PEX11G: variants seen among roughly 807,000 people sequenced by gnomAD.
The protein encoded by PEX11G is peroxisomal biogenesis factor 11 gamma.
PEX11G carries 20 observed loss-of-function variants against 22.5 expected under a neutral mutation model. The ratio of observed to expected loss-of-function variants is 0.89; its 90% confidence interval spans 0.62 to 1.29. PEX11G has a LOEUF of 1.29. Among genes scored for constraint, PEX11G ranks in the 50% most tolerant of loss-of-function variants. The probability of loss-of-function intolerance (pLI) is 0.00; values close to 1 mark genes in which losing one functional copy is unlikely to be tolerated. For synonymous variants in PEX11G, 141 were observed against 154.5 expected (o/e 0.91, Z 0.65); for missense variants, 347 against 331.3 (o/e 1.05, Z -0.37).
chr19:7,490,903 AG>A (rs2021875943), upstream of PEX11G: 1 of 151,932 alleles, frequency 6.6e-6, no homozygotes, highest in African/African-American at 2.4e-5. Flanking sequence ...CATCCTGAGT[AG>A]GTGGGACCAC....
At chr19:7,477,906 C>CA (rs890459332) in intron 4 of PEX11G, among the ~76,000 whole-genome samples, 25 of 152,346 alleles carry the variant, frequency 1.6e-4, no homozygotes, top group African/African-American at 5.8e-4. Flanking sequence ...CCTGTAGTCC[C>CA]AGCTACTCGG....
At chr19:7,486,970 C>T (rs1374689598) in intron 1 of PEX11G, among the ~76,000 whole-genome samples, 1 of 151,580 alleles carries the variant, frequency 6.6e-6, no homozygotes, top group Non-Finnish European at 1.5e-5. Flanking sequence ...TCACTTGAGC[C>T]CAGGAGTTCC....
At chr19:7,485,597 C>A (rs1310622473) in intron 2 of PEX11G, among the ~76,000 whole-genome samples, 5 of 152,076 alleles carry the variant, frequency 3.3e-5, no homozygotes, top group Non-Finnish European at 7.3e-5. Flanking sequence ...CCTCGTGATC[C>A]GCTCGCCTCA....
chr19:7,490,642 ATTTTTTTTTTTTT>A (rs749165168), upstream of PEX11G, among the ~76,000 whole-genome samples: 12 of 55,074 alleles, frequency 2.2e-4, no homozygotes, highest in African/African-American at 3.8e-4. Context: ...CCTGGCCTCT[ATTTTTTTTTTTTT>A]TTTTTTTTTT....
upstream of PEX11G, among the ~76,000 whole-genome samples, chr19:7,493,851 AAAG>A (rs1454331585): frequency 6.6e-6 from 1 of 151,484 alleles, no homozygotes; most frequent in Non-Finnish European, 1.5e-5. Context: ...AAAAAAAAAA[AAAG>A]ACTTGGGTCC....
chr19:7,491,301 A>C (rs1599228360), upstream of PEX11G, among the ~76,000 whole-genome samples: 3 of 116,812 alleles, frequency 2.6e-5, no homozygotes, highest in Non-Finnish European at 3.3e-5. Flanking sequence ...ACAGAGTCTC[A>C]CTCTGTCACC....
At chr19:7,487,142 A>T (rs1293413706) in intron 1 of PEX11G, among the ~76,000 whole-genome samples, 1 of 152,220 alleles carries the variant, frequency 6.6e-6, no homozygotes. Flanking sequence ...GATGTAACTG[A>T]AGGGCACAGC....
Position 7,488,984 on chromosome 19 carries a change from C to T in PEX11G, c.27G>A (p.Ser9=). The change falls in exon 1 of 5, where the codon TCG becomes TCA. Residue 9 remains serine (S), a synonymous_variant. Transcript: ENST00000221480. The part of the protein sequence containing the change: MASLSGLA[S]ALESYRGRDR... ...CCCGGCCCCTGTACGACTCCAGCGCCGACGCCAGGCCGCTCAGCGACGCCA... is the reference window on the plus strand; with the variant it reads ...CCCGGCCCCTGTACGACTCCAGCGCTGACGCCAGGCCGCTCAGCGACGCCA... 2 of 1,549,256 alleles carry T rather than the reference C, an allele frequency of 1.3e-6. No individual in the cohort carries two copies. The highest frequency in any genetic ancestry group is 1.2e-5 in the South Asian group (1 of 84,232).
chr19:7,483,339 G>C (rs1021142391), intron 2 of PEX11G: 1 of 152,012 alleles, frequency 6.6e-6, no homozygotes, highest in African/African-American at 2.4e-5. Flanking sequence ...ACCTCCCTGA[G>C]GATGGCGGAC....
upstream of PEX11G, chr19:7,489,087 C>G (rs1008598601): frequency 1.4e-6 from 2 of 1,389,006 alleles, no homozygotes; most frequent in African/African-American, 3.1e-5. Flanking sequence ...CGGGAGCGCC[C>G]CAAAGGCTTG....
intron 3 of PEX11G, among the ~76,000 whole-genome samples, chr19:7,479,709 C>T (rs1362024755): frequency 6.6e-6 from 1 of 151,808 alleles, no homozygotes; most frequent in Non-Finnish European, 1.5e-5. Context: ...CACAGGACTT[C>T]GATGGCCGTG....
In PEX11G at chr19:7,488,439, G is replaced by A. The variant is rs183476561; in HGVS notation, c.60+512C>T. 3.3e-5 allele frequency among the ~76,000 whole-genome samples: 5 copies of A among 152,346 alleles called. No individual in the cohort carries two copies. The East Asian group carries it at 7.7e-4, about 24-fold the overall frequency. Reference sequence around the variant, plus strand: ...TCAGTGGCCTGGTCGGATCCAAAACGTCCAAACACGGGAATCTGGCCAGTG... The same window carrying A: ...TCAGTGGCCTGGTCGGATCCAAAACATCCAAACACGGGAATCTGGCCAGTG... On this transcript the variant is annotated intron_variant, in intron 1 of 4. Coordinates refer to ENST00000221480, the MANE Select transcript of PEX11G (RefSeq NM_080662.4).
In PEX11G at chr19:7,485,918, T is replaced by A. The variant is rs2021627567; in HGVS notation, c.169A>T (p.Ser57Cys). The A allele has an allele frequency of 6.2e-7, 1 of 1,613,804 alleles. No homozygotes were observed. Among genetic ancestry groups the A allele is most frequent in the African/African-American group, 1.3e-5 (1 of 75,036 alleles). Residue 57 changes from serine (S) to cysteine (C), a missense_variant, in exon 2 of 5, where the codon AGC (serine) becomes TGC (cysteine). Ser to Cys is a moderately radical substitution (Grantham distance 112). Transcript: ENST00000221480. Reference sequence around the variant, plus strand: ...AGTCGCAAGATGGTCCTGCAGTGGCTGAGTTGGGTGGACACCACCAACAGA... The same window carrying A: ...AGTCGCAAGATGGTCCTGCAGTGGCAGAGTTGGGTGGACACCACCAACAGA... ...TRLLVVSTQL[S>C]HCRTILRLFD...
rs527522450 is a variant in PEX11G, at chr19:7,488,915, T to C, written c.60+36A>G. ...CCCAGTCTCTGAGCTTGGGCCAAACTCTAGGACCTCCGGCCCCGGTCCGCC... is the reference window on the plus strand; with the variant it reads ...CCCAGTCTCTGAGCTTGGGCCAAACCCTAGGACCTCCGGCCCCGGTCCGCC... On this transcript the variant is annotated intron_variant, in intron 1 of 4. Coordinates refer to ENST00000221480, the MANE Select transcript of PEX11G (RefSeq NM_080662.4). The C allele has an allele frequency of 9.1e-6, 14 of 1,545,778 alleles. No individual in the cohort carries two copies. The African/African-American group carries it at 1.5e-4, about 17-fold the overall frequency.
upstream of PEX11G, chr19:7,493,177 CCT>C (rs1481251883): frequency 6.6e-6 from 1 of 152,104 alleles, no homozygotes; most frequent in East Asian, 1.9e-4. Flanking sequence ...TGATTTTCTT[CCT>C]CTCTGTCTCT....
intron 3 of PEX11G, 28 bp from the exon 4 acceptor site, chr19:7,478,404 G>A: frequency 6.3e-7 from 1 of 1,595,156 alleles, no homozygotes; most frequent in South Asian, 1.1e-5. Context: ...GAGGGAGGAT[G>A]CCCCGGCGGG....
At chr19:7,488,440 T>C (rs944539085) in intron 1 of PEX11G, among the ~76,000 whole-genome samples, 2 of 152,190 alleles carry the variant, frequency 1.3e-5, no homozygotes, top group African/African-American at 4.8e-5. Flanking sequence ...ATCCAAAACG[T>C]CCAAACACGG....
chr19:7,478,308 T>C lies in PEX11G; in HGVS notation c.491+6A>G. The C allele has an allele frequency of 6.2e-7, 1 of 1,610,374 alleles. No individual in the cohort carries two copies. The highest frequency in any genetic ancestry group is 2.2e-5 in the East Asian group (1 of 44,826). On this transcript the variant is annotated splice_donor_region_variant and intron_variant, in intron 4 of 4. Transcript: ENST00000221480. ...GCCTCCCTGCTGGGTGATCACGGGC[T>C]CCTACCTGGTGAAGGGCGCCGTGGG...
Position 7,482,200 on chromosome 19 carries a change from G to A in PEX11G, c.261C>T (p.Ala87=), listed in dbSNP as rs1475908459. 2 of 1,567,692 alleles carry A rather than the reference G, an allele frequency of 1.3e-6. No individual in the cohort carries two copies. The highest frequency in any genetic ancestry group is 1.7e-6 in the Non-Finnish European group (2 of 1,157,576). ...QYGLGAQEED[A]FVRCVSVLGN... ...CTAGGACGGAGACACAGCGGACAAA[G>A]GCGTCCTCCTCCTGCAGGACCAGGA... The change falls in exon 3 of 5, where the codon GCC becomes GCT. Residue 87 remains alanine (A), a synonymous_variant. Transcript: ENST00000221480.
Sources: allele counts gnomAD v4.1 joint callset (sites outside exome capture counted in the v4.1 genomes callset), GRCh38; gene constraint gnomAD v4.1.1; transcripts MANE v1.5; gene names NCBI Gene and HGNC (gene_info 2026-07-23, HGNC 2026-07-21).